Variants in OSCP1 observed in about 807,000 individuals in gnomAD.
OSCP1 encodes the protein protein OSCP1.
In OSCP1, 35 loss-of-function variants were observed where a neutral mutation model predicts 45.1. The observed-to-expected ratio is 0.78, with a 90% CI of 0.59 to 1.03. The LOEUF is 1.03. Ranked by LOEUF, OSCP1 falls within the 50% of genes least tolerant of loss-of-function variation. The pLI is 0.00. For missense variants in OSCP1, 400 were observed against 470.7 expected (o/e 0.85, Z 1.39); for synonymous variants, 179 against 180.1 (o/e 0.99, Z 0.05).
At chr1:36,422,484 C>T (rs909200977) in intron 6 of OSCP1, among the ~76,000 whole-genome samples, 14 of 152,132 alleles carry the variant, frequency 9.2e-5, no homozygotes, top group Admixed American at 7.9e-4. Flanking sequence ...CTTTACAGAA[C>T]GGATAAGTCT....
In OSCP1 at chr1:36,422,881, TTTG is replaced by T; in HGVS notation, c.633_635del (p.Asn211del). 1 of 1,604,834 alleles carries T rather than the reference TTTG, an allele frequency of 6.2e-7. No individual in the cohort carries two copies. The highest frequency in any genetic ancestry group is 8.5e-7 in the Non-Finnish European group (1 of 1,175,140). On this transcript the variant is annotated inframe_deletion, in exon 6 of 10. Transcript: ENST00000235532. The stretch of plus-strand genomic sequence containing the variant: ...ATTCTATCCTCTTCACTTCTTCACC[TTTG>T]TTGTTGAACATTCTACAATACAAAG...
chr1:36,444,061 C>G, intron 1 of OSCP1: 2 of 1,606,526 alleles, frequency 1.2e-6, no homozygotes, highest in Non-Finnish European at 8.5e-7. Flanking sequence ...AAAGAAAACA[C>G]CAGTTCATGA....
At chr1:36,420,198 G>A (rs1647529537) in intron 8 of OSCP1, 2 of 230,454 alleles carry the variant, frequency 8.7e-6, no homozygotes, top group African/African-American at 2.4e-5. Context: ...GGATGGCCTC[G>A]ACCTCCTGAC....
At chr1:36,432,342 G>A in intron 3 of OSCP1, 80 bp downstream of exon 3, 5 of 1,495,402 alleles carry the variant, frequency 3.3e-6, no homozygotes, top group Non-Finnish European at 4.6e-6. Context: ...TGTTCTCTCT[G>A]TCATAGATCT....
chr1:36,422,050 T>C (rs1647648355), intron 7 of OSCP1, 100 bp downstream of exon 7: 5 of 1,153,586 alleles, frequency 4.3e-6, no homozygotes, highest in Non-Finnish European at 3.9e-6. Flanking sequence ...AGGGGAAATG[T>C]TGGCTAGATC....
chr1:36,436,104 A>AT (rs780346891), intron 2 of OSCP1, among the ~76,000 whole-genome samples: 2,728 of 113,846 alleles, frequency 0.024, 94 homozygotes, highest in African/African-American at 0.073. Flanking sequence ...CTCTCTCTCT[A>AT]TTTTTTTTTT....
In OSCP1 at chr1:36,432,544, A is replaced by G; in HGVS notation, c.313T>C (p.Cys105Arg). The change falls in exon 3 of 10, where the codon TGT becomes CGT. Residue 105 changes from cysteine to arginine, a missense_variant. By Grantham distance (180) the Cys-to-Arg change is radical. Coordinates refer to ENST00000235532, the MANE Select transcript of OSCP1 (RefSeq NM_145047.5). The part of the protein sequence containing the change: ...TMAFKYQVLL[C>R]PRPKDVLLVT... The stretch of plus-strand genomic sequence containing the variant: ...AGCAGCACATCCTTGGGTCGGGGAC[A>G]CAGCAATACTTGATATTTGAAAGCC... 6.2e-7 allele frequency: 1 copy of G among 1,614,200 alleles called. No homozygotes were observed. The highest frequency in any genetic ancestry group is 8.5e-7 in the Non-Finnish European group (1 of 1,180,038).
intron 4 of OSCP1, among the ~76,000 whole-genome samples, chr1:36,424,023 G>A (rs780046804): frequency 2.0e-5 from 3 of 151,670 alleles, no homozygotes; most frequent in African/African-American, 4.8e-5. Context: ...TTGCCTCACT[G>A]CCACCTCAGC....
In OSCP1 at chr1:36,420,456, G is replaced by A. The variant is rs372476614; in HGVS notation, c.959+20C>T. Reference sequence around the variant, plus strand: ...CTTGGGATTTTTATATGTCTTTAACGAAACAGGTTTAAAACATACTCCTCT... The same window carrying A: ...CTTGGGATTTTTATATGTCTTTAACAAAACAGGTTTAAAACATACTCCTCT... On this transcript the variant is annotated intron_variant, in intron 8 of 9. Coordinates refer to ENST00000235532, the MANE Select transcript of OSCP1 (RefSeq NM_145047.5). The A allele has an allele frequency of 2.1e-5, 34 of 1,604,738 alleles. No homozygotes were observed. The highest frequency in any genetic ancestry group is 1.9e-4 in the Admixed American group (11 of 58,286).
At position 36,419,023 on chromosome 1, in the gene OSCP1, A is replaced by G; in HGVS notation, c.991T>C (p.Ser331Pro). 1 of 1,612,594 alleles carries G rather than the reference A, an allele frequency of 6.2e-7. No individual in the cohort carries two copies. Among genetic ancestry groups the G allele is most frequent in the Non-Finnish European group, 8.5e-7 (1 of 1,178,726 alleles). ...GCTTGTATGTTGATAACTTCATAGG[A>G]TAACTCTTCTGGCCTGGTTAGCGCT... is the stretch of plus-strand genomic sequence containing the variant. ...QAALTRPEEL[S>P]YEVINIQATQ... is the part of the protein sequence containing the mutation. The change falls in exon 9 of 10, where the codon TCC (serine) becomes CCC (proline). Residue 331 changes from serine (S) to proline (P), a missense_variant. Ser to Pro is a moderately conservative substitution (Grantham distance 74, BLOSUM62 -1). Transcript: ENST00000235532.
Position 36,423,485 on chromosome 1 carries a change from A to C in OSCP1, c.517-19T>G. ...TGGATACCTGGAAAAAAATACATTTATTGTCATTTTTCTTGGTATATTTTC... is the reference window on the plus strand; with the variant it reads ...TGGATACCTGGAAAAAAATACATTTCTTGTCATTTTTCTTGGTATATTTTC... On this transcript the variant is annotated intron_variant, in intron 4 of 9. Transcript: ENST00000235532. 1.9e-6 allele frequency: 3 copies of C among 1,561,840 alleles called. No individual in the cohort carries two copies. The Middle Eastern group carries it at 5.1e-4, about 263-fold the overall frequency.
chr1:36,423,348 T>G lies in OSCP1; in HGVS notation c.620+15A>C. On this transcript the variant is annotated intron_variant, in intron 5 of 9. Coordinates refer to ENST00000235532, the MANE Select transcript of OSCP1 (RefSeq NM_145047.5). ...AGCACCCCAAACATAGCTCTGATCATTGTTGGGAATTCACCTGATGAGTCC... is the reference window on the plus strand; with the variant it reads ...AGCACCCCAAACATAGCTCTGATCAGTGTTGGGAATTCACCTGATGAGTCC... 2 of 1,576,370 alleles carry G rather than the reference T, an allele frequency of 1.3e-6. No individual in the cohort carries two copies. The highest frequency in any genetic ancestry group is 1.3e-5 in the African/African-American group (1 of 74,154).
intron 4 of OSCP1, among the ~76,000 whole-genome samples, chr1:36,424,724 AG>A (rs1379883733): frequency 1.3e-5 from 2 of 152,228 alleles, no homozygotes; most frequent in African/African-American, 2.4e-5. Context: ...CTCTGTATAG[AG>A]GTTTCGGTCA....
chr1:36,444,175 C>A, intron 1 of OSCP1: 1 of 888,038 alleles, frequency 1.1e-6, no homozygotes, highest in South Asian at 1.5e-5. Context: ...AATGTGAGCA[C>A]ACTGCCTTCT....
At position 36,419,011 on chromosome 1, in the gene OSCP1, T is replaced by C; in HGVS notation, c.1003A>G (p.Ile335Val). The C allele has an allele frequency of 6.2e-7, 1 of 1,611,876 alleles. No individual in the cohort carries two copies. Among genetic ancestry groups the C allele is most frequent in the East Asian group, 2.2e-5 (1 of 44,872 alleles). The change falls in exon 9 of 10, where the codon ATC (isoleucine) becomes GTC (valine). Residue 335 changes from isoleucine to valine, a missense_variant. Transcript: ENST00000235532. ...CGTACCTGGGTGGCTTGTATGTTGA[T>C]AACTTCATAGGATAACTCTTCTGGC... is the stretch of plus-strand genomic sequence containing the variant. ...TRPEELSYEV[I>V]NIQATQDQQR...
At chr1:36,422,014 G>T in intron 7 of OSCP1, 136 bp downstream of exon 7, 1 of 801,866 alleles carries the variant, frequency 1.2e-6, no homozygotes, top group Non-Finnish European at 2.1e-6. Context: ...TACTCGTAAG[G>T]TGGAATGGAG....
chr1:36,438,662 A>C, intron 2 of OSCP1, 94 bp downstream of exon 2: 1 of 1,419,190 alleles, frequency 7.0e-7, no homozygotes, highest in Non-Finnish European at 9.4e-7. Flanking sequence ...TGCAAGGACC[A>C]TTGCATACAT....
intron 1 of OSCP1, chr1:36,444,007 G>T: frequency 6.2e-7 from 1 of 1,613,582 alleles, no homozygotes; most frequent in South Asian, 1.1e-5. Context: ...AGCATACCTC[G>T]TTTTCTGTCC....
chr1:36,418,261 A>G lies in OSCP1; in HGVS notation c.1024-6T>C, dbSNP rs1647393022. On this transcript the variant is annotated splice_polypyrimidine_tract_variant and splice_region_variant and intron_variant, in intron 9 of 9. Coordinates refer to ENST00000235532, the MANE Select transcript of OSCP1 (RefSeq NM_145047.5). ...TCCTCGCTCCGTTGCTGGTCCTATG[A>G]GGGAAATGAGAGGTAAAAGGGCATG... The G allele has an allele frequency of 6.2e-7, 1 of 1,613,862 alleles. No homozygotes were observed. The highest frequency in any genetic ancestry group is 1.1e-5 in the South Asian group (1 of 91,074).
Sources: gnomAD v4.1 joint callset for allele counts (sites outside exome capture counted in the v4.1 genomes callset) on GRCh38, gnomAD v4.1.1 for gene constraint, MANE v1.5 for transcripts, NCBI Gene and HGNC (gene_info 2026-07-23, HGNC 2026-07-21) for gene names.